CREB1: variants seen among roughly 807,000 people sequenced by gnomAD.
CREB1 encodes cAMP responsive element binding protein 1.
Under a neutral mutation model 42.0 loss-of-function variants are expected in CREB1, and 2 were observed. The ratio of observed to expected loss-of-function variants is 0.05; its 90% CI spans 0.02 to 0.15. The LOEUF (loss-of-function observed/expected upper bound fraction) is 0.15. Among genes scored for constraint, CREB1 ranks in the 10% least tolerant of loss-of-function variants. The pLI is 1.00. For missense variants in CREB1, 199 were observed against 388.9 expected (o/e 0.51, Z 4.11); for synonymous variants, 123 against 139.9 (o/e 0.88, Z 0.85).
intron 7 of CREB1, among the ~76,000 whole-genome samples, chr2:207,584,405 C>CT (rs113736634): frequency 5.0e-4 from 74 of 147,450 alleles, no homozygotes; most frequent in East Asian, 1.2e-3. Flanking sequence ...TCACTAGTGA[C>CT]TTTTTTTTTT....
chr2:207,530,324 T>G (rs2080539408), intron 1 of CREB1, among the ~76,000 whole-genome samples, 190 bp downstream of exon 1: 1 of 149,246 alleles, frequency 6.7e-6, no homozygotes, highest in Admixed American at 6.6e-5. Flanking sequence ...GGCGGCGGAC[T>G]GGAGCCAGCG....
intron 1 of CREB1, among the ~76,000 whole-genome samples, chr2:207,541,729 G>A (rs2081106729): frequency 6.6e-6 from 1 of 152,184 alleles, no homozygotes. Context: ...CCCATTTGGT[G>A]TGTACAGTTC....
chr2:207,576,354 G>A (rs2082600897), intron 6 of CREB1, among the ~76,000 whole-genome samples: 2 of 144,778 alleles, frequency 1.4e-5, no homozygotes, highest in Non-Finnish European at 3.0e-5. Context: ...TATAGTTAAT[G>A]CCAGGTTAGA....
intron 1 of CREB1, among the ~76,000 whole-genome samples, chr2:207,533,716 T>TC (rs1425157185): frequency 6.6e-6 from 1 of 152,196 alleles, no homozygotes; most frequent in Non-Finnish European, 1.5e-5. Flanking sequence ...TTTTTTTTTT[T>TC]CTTACCCATG....
At chr2:207,564,599 A>G (rs2082073944) in intron 3 of CREB1, among the ~76,000 whole-genome samples, 1 of 152,200 alleles carries the variant, frequency 6.6e-6, no homozygotes. Flanking sequence ...CCAAAGGACC[A>G]TATATAGGTT....
At chr2:207,570,056 A>AAC in intron 4 of CREB1, 123 bp from the exon 5 acceptor site, 4 of 663,416 alleles carry the variant, frequency 6.0e-6, no homozygotes, top group Non-Finnish European at 9.2e-6. Flanking sequence ...AAAAAAAAAA[A>AAC]AAAAAACCTT....
intron 7 of CREB1, among the ~76,000 whole-genome samples, chr2:207,585,305 A>G (rs1015001978): frequency 2.0e-5 from 3 of 152,246 alleles, no homozygotes; most frequent in South Asian, 2.1e-4. Flanking sequence ...CATAGATGCC[A>G]TGAGAGAATC....
Position 207,597,166 on chromosome 2 carries a change from C to A in CREB1, c.*108C>A. On this transcript the variant is annotated 3_prime_UTR_variant, in exon 8 of 8. Transcript: ENST00000353267. ...TTCTAAACATTTCTTTTTTTCTATG[C>A]GCAAAACTGCCTGAAAGCAACTACA... The A allele has an allele frequency of 8.2e-7, 1 of 1,222,942 alleles. No homozygotes were observed. The highest frequency in any genetic ancestry group is 1.1e-6 in the Non-Finnish European group (1 of 908,400). The allele number at this position is 1,222,942 out of a possible 1,614,324, so 75.8% of individuals were successfully genotyped here.
intron 3 of CREB1, chr2:207,561,064 T>C: frequency 6.7e-7 from 1 of 1,492,886 alleles, no homozygotes; most frequent in Admixed American, 1.7e-5. Flanking sequence ...GACTTGAACG[T>C]TCATTCAAGT....
chr2:207,564,775 T>A (rs1305376865), intron 3 of CREB1, among the ~76,000 whole-genome samples: 1 of 152,128 alleles, frequency 6.6e-6, no homozygotes, highest in Non-Finnish European at 1.5e-5. Flanking sequence ...AAACTTTATA[T>A]CTACAAGTGG....
At chr2:207,561,031 C>T (rs1319763700) in intron 3 of CREB1, 7 of 1,145,564 alleles carry the variant, frequency 6.1e-6, no homozygotes, top group African/African-American at 1.5e-5. Flanking sequence ...TAGATCATTG[C>T]AATTGAGCTT....
At position 207,600,659 on chromosome 2, in the gene CREB1, G is replaced by T. The variant is rs2086890044; in HGVS notation, c.*3601G>T. 1 of 210,630 alleles carries T rather than the reference G, an allele frequency of 4.7e-6. No individual in the cohort carries two copies. Among genetic ancestry groups the T allele is most frequent in the African/African-American group, 2.3e-5 (1 of 44,064 alleles). The allele number at this position is 210,630 out of a possible 1,614,324, so 13.0% of individuals were successfully genotyped here. On this transcript the variant is annotated 3_prime_UTR_variant, in exon 8 of 8. Transcript: ENST00000353267. ...AATTTTGGCATTTCATTTGAGCAGG[G>T]ATTTTGTCAGAAAATGTGTTTTGAT...
intron 7 of CREB1, among the ~76,000 whole-genome samples, chr2:207,585,028 G>T (rs1345095344): frequency 6.6e-6 from 1 of 151,838 alleles, no homozygotes; most frequent in Non-Finnish European, 1.5e-5. Context: ...GGAGCCTATG[G>T]ACAGGCCCAT....
chr2:207,599,309 C>A lies in CREB1; in HGVS notation c.*2251C>A, dbSNP rs1178887277. On this transcript the variant is annotated 3_prime_UTR_variant, in exon 8 of 8. Coordinates refer to ENST00000353267, the MANE Select transcript of CREB1 (RefSeq NM_004379.5). ...TCAAGCAAAGTCACAAATATGTTCACAAGTTGGAATTATTTATTGAGTCAA... is the reference window on the plus strand; with the variant it reads ...TCAAGCAAAGTCACAAATATGTTCAAAAGTTGGAATTATTTATTGAGTCAA... 1 of 206,270 alleles carries A rather than the reference C, an allele frequency of 4.8e-6. No individual in the cohort carries two copies. The highest frequency in any genetic ancestry group is 9.9e-6 in the Non-Finnish European group (1 of 101,148). 12.8% of individuals were successfully genotyped at this position (206,270 alleles called of 1,614,324 possible).
chr2:207,601,873 A>G lies in CREB1; in HGVS notation c.*4815A>G, dbSNP rs1463633464. Reference sequence around the variant, plus strand: ...TAGAACTTTTTGTTGGGAGGCTTACATACATCTTGAATATTCTTAATGTAA... The same window carrying G: ...TAGAACTTTTTGTTGGGAGGCTTACGTACATCTTGAATATTCTTAATGTAA... On this transcript the variant is annotated 3_prime_UTR_variant, in exon 8 of 8. Coordinates refer to ENST00000353267, the MANE Select transcript of CREB1 (RefSeq NM_004379.5). 2.3e-5 allele frequency: 5 copies of G among 215,772 alleles called. No homozygotes were observed. The Admixed American group carries it at 2.3e-4, about 10-fold the overall frequency. The allele number at this position is 215,772 out of a possible 1,614,324, so 13.4% of individuals were successfully genotyped here.
intron 5 of CREB1, among the ~76,000 whole-genome samples, chr2:207,573,147 C>G (rs2106558521): frequency 6.6e-6 from 1 of 152,292 alleles, no homozygotes; most frequent in South Asian, 2.1e-4. Flanking sequence ...TTTTCTTAGT[C>G]TAGATTTTCT....
chr2:207,595,092 T>A (rs2085871851), intron 7 of CREB1, among the ~76,000 whole-genome samples: 1 of 149,472 alleles, frequency 6.7e-6, no homozygotes, highest in Admixed American at 6.8e-5. Context: ...GCCTCCCGGG[T>A]TTAAGTGATT....
intron 7 of CREB1, among the ~76,000 whole-genome samples, chr2:207,586,528 C>T (rs1185812924): frequency 3.9e-5 from 6 of 152,116 alleles, no homozygotes; most frequent in African/African-American, 1.4e-4. Flanking sequence ...GGCTAAGACT[C>T]CAAAAGCACA....
intron 7 of CREB1, chr2:207,581,850 A>G: frequency 1.4e-6 from 1 of 702,824 alleles, no homozygotes; most frequent in South Asian, 1.5e-5. Context: ...AGTCTGTGAA[A>G]GTTTGTTTCC....
Sources: gnomAD v4.1 joint callset for allele counts (sites outside exome capture counted in the v4.1 genomes callset) on GRCh38, gnomAD v4.1.1 for gene constraint, MANE v1.5 for transcripts, NCBI Gene and HGNC (gene_info 2026-07-23, HGNC 2026-07-21) for gene names.